The following ECE1 variants were observed in gnomAD, a reference collection of about 807,000 sequenced individuals.
ECE1 encodes the protein endothelin-converting enzyme 1.
A neutral mutation model predicts 98.6 loss-of-function variants in ECE1; 35 were observed. That is an observed-to-expected ratio of 0.35 (90% confidence interval 0.27 to 0.47). The LOEUF (loss-of-function observed/expected upper bound fraction) is 0.47. Among genes scored for constraint, ECE1 ranks in the 20% least tolerant of loss-of-function variants. The pLI is 1.00. For missense variants in ECE1, 814 were observed against 1,025.3 expected, an observed-to-expected ratio of 0.79 and a Z score of 2.81; for synonymous variants, 394 against 407.1, an observed-to-expected ratio of 0.97 and a Z score of 0.39.
upstream of ECE1, among the ~76,000 whole-genome samples, chr1:21,292,188 A>G (rs1184134721): frequency 6.6e-6 from 1 of 151,930 alleles, no homozygotes; most frequent in Non-Finnish European, 1.5e-5. Context: ...AAATTCTGAT[A>G]TTACCACTCC....
Position 21,258,139 on chromosome 1 carries a change from CATTTG to C in ECE1, c.762+549_763-550del, listed in dbSNP as rs906906472. Among the ~76,000 whole-genome samples the C allele has an allele frequency of 3.3e-5, 5 of 152,164 alleles. No homozygotes were observed. The highest frequency in any genetic ancestry group is 1.2e-4 in the African/African-American group (5 of 41,432). On this transcript the variant is annotated intron_variant, in intron 6 of 18. Transcript: ENST00000374893. This position sits in a 1 kb window ranked among gnomAD's most constrained non-coding sequence, Gnocchi z 4.2. ...ACCTAGGACAGGTGTTATTGCAATC[CATTTG>C]ATTTATAAGGTAACTGTAGCTCTGA...
At position 21,277,555 on chromosome 1, in the gene ECE1, A is replaced by C. The variant is rs2103334384; in HGVS notation, c.280+1636T>G. Among the ~76,000 whole-genome samples the C allele has an allele frequency of 1.3e-5, 2 of 152,272 alleles. 1 individual carries two copies. Among genetic ancestry groups the C allele is most frequent in the Middle Eastern group, 6.8e-3 (2 of 294 alleles). The stretch of plus-strand genomic sequence containing the variant: ...GAGGATGACGAGCTTGTGTCCTGTT[A>C]GCAGAGGAGGCACAAACACACACAC... On this transcript the variant is annotated intron_variant, in intron 3 of 18. Coordinates refer to ENST00000374893, the MANE Select transcript of ECE1 (RefSeq NM_001397.3).
At chr1:21,272,106 G>A (rs1362832949) in intron 4 of ECE1, among the ~76,000 whole-genome samples, 1 of 152,124 alleles carries the variant, frequency 6.6e-6, no homozygotes, top group Non-Finnish European at 1.5e-5. Flanking sequence ...CCATGCTAAT[G>A]CTTTACACAT....
At chr1:21,291,561 C>T (rs539832010), upstream of ECE1, among the ~76,000 whole-genome samples, 2 of 152,164 alleles carry the variant, frequency 1.3e-5, no homozygotes, top group Non-Finnish European at 2.9e-5. Flanking sequence ...ATGGCTCGCT[C>T]GCGCCTGTAA....
At chr1:21,291,825 TCAAA>T (rs1027188910), upstream of ECE1, among the ~76,000 whole-genome samples, 8 of 151,732 alleles carry the variant, frequency 5.3e-5, no homozygotes, top group Non-Finnish European at 7.4e-5. Flanking sequence ...AGACTCCATC[TCAAA>T]CAAACAAACC....
chr1:21,303,794 C>T (rs1638536989), intron 1 of ECE1, among the ~76,000 whole-genome samples: 1 of 151,954 alleles, frequency 6.6e-6, no homozygotes, highest in Non-Finnish European at 1.5e-5. Context: ...GACTAGGAGG[C>T]ATGCGCCATC....
At chr1:21,255,727 G>A (rs761200517) in intron 8 of ECE1, among the ~76,000 whole-genome samples, 13 of 152,168 alleles carry the variant, frequency 8.5e-5, no homozygotes, top group Admixed American at 1.3e-4. Context: ...TCGGCCAGGC[G>A]CCTATTTTGG....
At chr1:21,227,452 C>T (rs1254149567) in intron 15 of ECE1, among the ~76,000 whole-genome samples, 1 of 152,186 alleles carries the variant, frequency 6.6e-6, no homozygotes, top group African/African-American at 2.4e-5. Flanking sequence ...GGGCACCATG[C>T]GCTGTGCTAG....
chr1:21,285,981 ACT>A (rs2098260106), intron 2 of ECE1, among the ~76,000 whole-genome samples: 1 of 144,208 alleles, frequency 6.9e-6, no homozygotes, highest in African/African-American at 2.5e-5. Context: ...AACAAGCAAG[ACT>A]CTGTCTCAAA....
intron 17 of ECE1, chr1:21,222,113 A>G (rs2098168179): frequency 2.0e-6 from 1 of 505,284 alleles, no homozygotes; most frequent in South Asian, 2.0e-5. Context: ...TGCCAGCTGG[A>G]CAGCCAAGAT....
chr1:21,279,058 C>A, intron 3 of ECE1, 133 bp downstream of exon 3: 2 of 1,474,862 alleles, frequency 1.4e-6, no homozygotes, highest in Non-Finnish European at 1.9e-6. Flanking sequence ...AGCACCCAGA[C>A]CCCCCTGGGC....
chr1:21,280,430 T>C (rs1034008812), intron 2 of ECE1, among the ~76,000 whole-genome samples: 1 of 152,088 alleles, frequency 6.6e-6, no homozygotes. Context: ...ATGTCTGGCC[T>C]GGGTCAGTCA....
chr1:21,225,533 C>G lies in ECE1; in HGVS notation c.1850-93G>C, dbSNP rs913272302. 5.0e-6 allele frequency: 7 copies of G among 1,403,684 alleles called. No individual in the cohort carries two copies. Among genetic ancestry groups the G allele is most frequent in the African/African-American group, 1.4e-5 (1 of 70,508 alleles). The allele number at this position is 1,403,684 out of a possible 1,614,324, so 87.0% of individuals were successfully genotyped here. On this transcript the variant is annotated intron_variant, in intron 16 of 18. Coordinates refer to ENST00000374893, the MANE Select transcript of ECE1 (RefSeq NM_001397.3). This position sits in a 1 kb window ranked among gnomAD's most constrained non-coding sequence, Gnocchi z 5.3. Reference sequence around the variant, plus strand: ...TGCTCCTGGTGAGAAGCGGTTCATCCGTCCACCCCCGTCCTCCAGCCACCA... The same window carrying G: ...TGCTCCTGGTGAGAAGCGGTTCATCGGTCCACCCCCGTCCTCCAGCCACCA...
chr1:21,303,805 A>T (rs1638537223), intron 1 of ECE1, among the ~76,000 whole-genome samples: 1 of 151,848 alleles, frequency 6.6e-6, no homozygotes, highest in Admixed American at 6.6e-5. Context: ...ATGCGCCATC[A>T]TACCTGGCTA....
At chr1:21,276,764 C>A (rs567654050) in intron 3 of ECE1, among the ~76,000 whole-genome samples, 6 of 150,764 alleles carry the variant, frequency 4.0e-5, no homozygotes, top group African/African-American at 1.2e-4. Context: ...TGGCTCACTG[C>A]AACCTCTGCC....
Position 21,247,229 on chromosome 1 carries a change from G to A in ECE1, c.1155C>T (p.Thr385=), listed in dbSNP as rs2229450. 0.25 allele frequency: 395,553 copies of A among 1,613,978 alleles called. 51,329 individuals carry two copies. Among genetic ancestry groups the A allele is most frequent in the Non-Finnish European group, 0.27 (317,417 of 1,179,914 alleles). The change falls in exon 9 of 19, where the codon ACC becomes ACT. Residue 385 remains threonine, a synonymous_variant. Transcript: ENST00000374893. ...LEQISTLINT[T]DRCLLNNYMI... is the part of the protein sequence containing the mutation. Reference sequence around the variant, plus strand: ...ACTGGGGGTCCTCTTACCATCTGTCGGTGGTGTTGATGAGAGTGGAGATCT... The same window carrying A: ...ACTGGGGGTCCTCTTACCATCTGTCAGTGGTGTTGATGAGAGTGGAGATCT...
intron 3 of ECE1, 148 bp from the exon 4 acceptor site, chr1:21,273,059 C>T (rs1455653876): frequency 7.4e-6 from 6 of 810,704 alleles, no homozygotes; most frequent in South Asian, 4.4e-5. Flanking sequence ...TAGACCCCTA[C>T]AGAGAAATGA....
chr1:21,343,960 A>G (rs372923937), intron 1 of ECE1, among the ~76,000 whole-genome samples: 2 of 152,258 alleles, frequency 1.3e-5, no homozygotes, highest in African/African-American at 4.8e-5. Context: ...TGGTCCACAG[A>G]TAGTGCACTC....
rs779617422 is a variant in ECE1 at position 21,260,280 on chromosome 1, C to T, written c.606G>A (p.Leu202=). The T allele has an allele frequency of 6.2e-7, 1 of 1,614,270 alleles. No homozygotes were observed. Among genetic ancestry groups the T allele is most frequent in the South Asian group, 1.1e-5 (1 of 91,092 alleles). The change falls in exon 5 of 19, where the codon TTG becomes TTA. Residue 202 remains leucine (L), a synonymous_variant. Transcript: ENST00000374893. This position sits in a 1 kb window ranked among gnomAD's most constrained non-coding sequence, Gnocchi z 4.3. ...EELRAKPLME[L]IERLGGWNIT... ...AGCCCGAGGCACTCACCCTCTCAAT[C>T]AACTCCATTAGAGGTTTGGCCCTGA...
Sources: allele counts gnomAD v4.1 joint callset (sites outside exome capture counted in the v4.1 genomes callset), GRCh38; gene constraint gnomAD v4.1.1; non-coding constraint Gnocchi (gnomAD v3.1); transcripts MANE v1.5; gene names NCBI Gene and HGNC (gene_info 2026-07-23, HGNC 2026-07-21).